TTC7A: variants seen among roughly 807,000 people sequenced by gnomAD.
TTC7A encodes the protein tetratricopeptide repeat protein 7A.
Under a neutral mutation model 103.7 loss-of-function variants are expected in TTC7A, and 110 were observed. That is an observed-to-expected ratio of 1.06 (90% CI 0.91 to 1.24). The LOEUF is 1.24. Among genes scored for constraint, TTC7A ranks in the 50% most tolerant of loss-of-function variants. The pLI, the probability that TTC7A is intolerant of heterozygous loss-of-function variation, is 0.00. For synonymous variants in TTC7A, 521 were observed against 467.9 expected, an observed-to-expected ratio of 1.11 and a Z score of -1.47; for missense variants, 1,340 against 1,116.3, an observed-to-expected ratio of 1.20 and a Z score of -2.86.
rs1464486873 is a variant in TTC7A, at chr2:47,009,890, T to G, written c.1288-1441T>G. Among the ~76,000 whole-genome samples the G allele has an allele frequency of 5.6e-5, 8 of 141,778 alleles. No homozygotes were observed. The South Asian group carries it at 9.7e-4, about 17-fold the overall frequency. 93.0% of individuals were successfully genotyped at this position (141,778 alleles called of 152,430 possible). On this transcript the variant is annotated intron_variant, in intron 10 of 19. Coordinates refer to ENST00000319190, the MANE Select transcript of TTC7A (RefSeq NM_020458.4). ...GCCCAGAAAGAGTGTGTGTGTGTTT[T>G]TTTTTTTTTTTTTGGTGGTGGGGGG...
At chr2:47,018,001 C>G (rs4953443) in intron 11 of TTC7A, among the ~76,000 whole-genome samples, 93,805 of 151,930 alleles carry the variant, frequency 0.62, 29,459 homozygotes, top group East Asian at 0.79. Context: ...ACCTGGCTAG[C>G]TGCAGTGGCT....
chr2:47,060,718 G>A, intron 18 of TTC7A, 51 bp from the exon 19 acceptor site: 1 of 1,523,678 alleles, frequency 6.6e-7, no homozygotes, highest in Non-Finnish European at 8.9e-7. Flanking sequence ...GGGTCAGGAT[G>A]CCTCTGACTC....
chr2:47,009,640 G>C (rs1329655519), intron 10 of TTC7A, among the ~76,000 whole-genome samples: 1 of 152,134 alleles, frequency 6.6e-6, no homozygotes, highest in Non-Finnish European at 1.5e-5. Context: ...CTCATACCCT[G>C]CTGTAGACAG....
chr2:47,023,594 C>A, intron 13 of TTC7A, 129 bp downstream of exon 13: 3 of 996,246 alleles, frequency 3.0e-6, no homozygotes, highest in South Asian at 1.5e-5. Flanking sequence ...GATGAGGGAA[C>A]TGCACACAGC....
Position 46,950,389 on chromosome 2 carries a change from G to A in TTC7A, c.211G>A (p.Glu71Lys), listed in dbSNP as rs147914967. 5.4e-5 allele frequency: 87 copies of A among 1,614,004 alleles called. No individual in the cohort carries two copies. Among genetic ancestry groups the A allele is most frequent in the Non-Finnish European group, 7.1e-5 (84 of 1,180,036 alleles). ...TDDFGKLLLA[E>K]ALLEQCLKEN... ...TGACTTTGGGAAATTGCTGCTGGCT[G>A]AGGCCCTCCTGGAGCAGTGTTTGAA... Residue 71 changes from glutamate (E) to lysine (K), a missense_variant, in exon 2 of 20, where the codon GAG (glutamate) becomes AAG (lysine). Coordinates refer to ENST00000319190, the MANE Select transcript of TTC7A (RefSeq NM_020458.4).
intron 3 of TTC7A, among the ~76,000 whole-genome samples, chr2:46,960,197 C>A (rs1672246762): frequency 6.6e-6 from 1 of 152,216 alleles, no homozygotes; most frequent in Non-Finnish European, 1.5e-5. Flanking sequence ...AGAATCACCT[C>A]TTCCCTGGTC....
Position 47,073,734 on chromosome 2 carries a change from C to G in TTC7A, c.2388C>G (p.Ser796Arg). 1.2e-6 allele frequency: 2 copies of G among 1,613,828 alleles called. No individual in the cohort carries two copies. The highest frequency in any genetic ancestry group is 1.3e-5 in the African/African-American group (1 of 75,070). The change falls in exon 20 of 20, where the codon AGC (serine) becomes AGG (arginine). Residue 796 changes from serine (S) to arginine (R), a missense_variant. Transcript: ENST00000319190. ...GLMLSRLGHK[S>R]LAQKVLRDAV... ...TGCTGAGTCGGCTGGGCCACAAGAG[C>G]TTGGCCCAGAAGGTGCTTCGTGATG... is the stretch of plus-strand genomic sequence containing the variant.
At chr2:47,069,512 C>T (rs970550140) in intron 19 of TTC7A, among the ~76,000 whole-genome samples, 15 of 152,278 alleles carry the variant, frequency 9.9e-5, no homozygotes, top group Non-Finnish European at 2.2e-4. Flanking sequence ...GGGGTGAACA[C>T]ATCCCACCCC....
Position 47,074,616 on chromosome 2 carries a change from C to T in TTC7A, c.*693C>T, listed in dbSNP as rs985485533. On this transcript the variant is annotated 3_prime_UTR_variant, in exon 20 of 20. Coordinates refer to ENST00000319190, the MANE Select transcript of TTC7A (RefSeq NM_020458.4). ...GATCCTGTGGTTGCTAGATCCAGTC[C>T]TTTCTAATACCCTGAGTCAACACAT... 10 of 152,742 alleles carry T rather than the reference C, an allele frequency of 6.5e-5. No homozygotes were observed. Among genetic ancestry groups the T allele is most frequent in the African/African-American group, 2.4e-4 (10 of 41,450 alleles). The allele number at this position is 152,742 out of a possible 1,614,324, so 9.5% of individuals were successfully genotyped here. A position where few individuals can be genotyped will look rare whatever the true frequency, so the allele number is the denominator to read the frequency against.
chr2:47,001,536 C>T (rs1388331560), intron 8 of TTC7A, among the ~76,000 whole-genome samples: 6 of 152,102 alleles, frequency 3.9e-5, no homozygotes, highest in Admixed American at 2.0e-4. Context: ...CCAGATGAGA[C>T]GGTGGATGTG....
rs1308928291 is a variant in TTC7A at position 46,941,792 on chromosome 2, C to G, written c.184+67C>G. The G allele has an allele frequency of 1.3e-6, 2 of 1,537,172 alleles. No homozygotes were observed. Among genetic ancestry groups the G allele is most frequent in the East Asian group, 2.5e-5 (1 of 40,692 alleles). ...GAAACGCACCGCCTCCTCCAGGAAGCGCGCCCAGACAGTCCTCGGCCGACA... is the reference window on the plus strand; with the variant it reads ...GAAACGCACCGCCTCCTCCAGGAAGGGCGCCCAGACAGTCCTCGGCCGACA... On this transcript the variant is annotated intron_variant, in intron 1 of 19. Coordinates refer to ENST00000319190, the MANE Select transcript of TTC7A (RefSeq NM_020458.4). This position sits in a 1 kb window ranked among gnomAD's most constrained non-coding sequence, Gnocchi z 4.2.
intron 3 of TTC7A, among the ~76,000 whole-genome samples, chr2:46,969,654 G>A (rs1014982663): frequency 9.9e-5 from 15 of 152,038 alleles, no homozygotes; most frequent in South Asian, 8.3e-4. Flanking sequence ...CTCGTGATCC[G>A]TCCGCCTCGG....
At chr2:47,063,438 G>C (rs771886021) in intron 19 of TTC7A, among the ~76,000 whole-genome samples, 22 of 152,154 alleles carry the variant, frequency 1.4e-4, no homozygotes, top group Non-Finnish European at 3.1e-4. Flanking sequence ...ATGTGATCTT[G>C]GAATCTTTTT....
At chr2:46,986,511 G>T (rs1408957263) in intron 5 of TTC7A, among the ~76,000 whole-genome samples, 2 of 152,106 alleles carry the variant, frequency 1.3e-5, no homozygotes, top group African/African-American at 2.4e-5. Flanking sequence ...GCTCTGTGCT[G>T]GGGGGGAAAG....
chr2:47,031,862 G>A (rs564040648), intron 15 of TTC7A, among the ~76,000 whole-genome samples: 4 of 152,356 alleles, frequency 2.6e-5, no homozygotes, highest in African/African-American at 7.2e-5. Flanking sequence ...GGCTGTGTGA[G>A]GTGTGGCAGA....
At chr2:46,933,038 A>G (rs960615215) in intron 2 of TTC7A, among the ~76,000 whole-genome samples, 1 of 152,122 alleles carries the variant, frequency 6.6e-6, no homozygotes, top group African/African-American at 2.4e-5. Context: ...CTGCACTGAA[A>G]AGGCTCTGAG....
intron 15 of TTC7A, chr2:47,034,443 G>T (rs1362399012): frequency 6.6e-6 from 1 of 152,334 alleles, no homozygotes; most frequent in African/African-American, 2.4e-5. Context: ...GGAATATGAG[G>T]TGAAGGGGAA....
chr2:47,053,037 G>A (rs1419491551), intron 18 of TTC7A, among the ~76,000 whole-genome samples: 2 of 152,096 alleles, frequency 1.3e-5, no homozygotes, highest in South Asian at 2.1e-4. Flanking sequence ...TATGCAGTAC[G>A]CCCCCACTCT....
chr2:47,057,388 C>T (rs1457907707), intron 18 of TTC7A, among the ~76,000 whole-genome samples: 6 of 152,190 alleles, frequency 3.9e-5, no homozygotes, highest in African/African-American at 1.4e-4. Context: ...GGTGTGTGGC[C>T]AGCCCAGCAA....
Sources: gnomAD v4.1 joint callset for allele counts (sites outside exome capture counted in the v4.1 genomes callset) on GRCh38, gnomAD v4.1.1 for gene constraint, Gnocchi (gnomAD v3.1) non-coding constraint, MANE v1.5 for transcripts, NCBI Gene and HGNC (gene_info 2026-07-23, HGNC 2026-07-21) for gene names.